LURAP1L: variants seen among roughly 807,000 people sequenced by gnomAD.
The protein encoded by LURAP1L is leucine rich adaptor protein 1 like, also known as leucine rich adaptor protein 1-like.
A neutral mutation model predicts 13.8 loss-of-function variants in LURAP1L; 12 were observed. The ratio of observed to expected loss-of-function variants is 0.87; its 90% confidence interval spans 0.56 to 1.41. LURAP1L has a LOEUF of 1.41. Among genes scored for constraint, LURAP1L ranks in the 40% most tolerant of loss-of-function variants. The pLI is 0.00. For missense variants in LURAP1L, 375 were observed against 292.9 expected (o/e 1.28, Z -2.04); for synonymous variants, 139 against 119.2 (o/e 1.17, Z -1.08).
At chr9:12,820,906 C>A (rs1819869819) in intron 1 of LURAP1L, among the ~76,000 whole-genome samples, 1 of 152,094 alleles carries the variant, frequency 6.6e-6, no homozygotes, top group Non-Finnish European at 1.5e-5. Flanking sequence ...GAATGCTGAA[C>A]TTTTATGATG....
At chr9:12,801,879 A>G (rs6474731) in intron 1 of LURAP1L, among the ~76,000 whole-genome samples, 4,523 of 152,302 alleles carry the variant, frequency 0.03, 88 homozygotes, top group African/African-American at 0.062. Flanking sequence ...TGGGTCATAT[A>G]TTTGAAAAGC....
chr9:12,788,199 A>AGAAAGAAAGAAAGAAAG, intron 1 of LURAP1L, among the ~76,000 whole-genome samples: 1 of 106,602 alleles, frequency 9.4e-6, no homozygotes, highest in East Asian at 3.5e-4. Flanking sequence ...AAGAAAAGAA[A>AGAAAGAAAGAAAGAAAG]AGAAAAGAAA....
chr9:12,812,199 G>A (rs1420347802), intron 1 of LURAP1L, among the ~76,000 whole-genome samples: 1 of 152,186 alleles, frequency 6.6e-6, no homozygotes, highest in Non-Finnish European at 1.5e-5. Context: ...TACCAGGATA[G>A]GGAACTACGT....
intron 1 of LURAP1L, among the ~76,000 whole-genome samples, chr9:12,809,082 T>A (rs888542040): frequency 1.3e-5 from 2 of 152,068 alleles, no homozygotes; most frequent in African/African-American, 4.8e-5. Context: ...CCACATTCTT[T>A]TAAACAACCA....
intron 1 of LURAP1L, among the ~76,000 whole-genome samples, chr9:12,815,585 G>C (rs1038603909): frequency 4.6e-5 from 7 of 152,014 alleles, no homozygotes; most frequent in South Asian, 2.1e-4. Flanking sequence ...AGGATGGTTG[G>C]GATTTACATC....
rs985438140 is a variant in LURAP1L at position 12,822,600 on chromosome 9, G to A, written c.*840G>A. On this transcript the variant is annotated 3_prime_UTR_variant, in exon 2 of 2. Coordinates refer to ENST00000319264, the MANE Select transcript of LURAP1L (RefSeq NM_203403.2). Reference sequence around the variant, plus strand: ...ATAAATACTTAGATGCATACAAGCCGATGGATAGAAAGACAGATAAATATC... The same window carrying A: ...ATAAATACTTAGATGCATACAAGCCAATGGATAGAAAGACAGATAAATATC... Among the ~76,000 whole-genome samples the A allele has an allele frequency of 7.9e-5, 12 of 152,230 alleles. No homozygotes were observed. The highest frequency in any genetic ancestry group is 3.4e-3 in the Middle Eastern group (1 of 294).
chr9:12,811,444 T>A (rs142245256), intron 1 of LURAP1L, among the ~76,000 whole-genome samples: 438 of 152,294 alleles, frequency 2.9e-3, no homozygotes, highest in African/African-American at 9.8e-3. Context: ...TCCTTCAGGG[T>A]AAGAAATCAA....
chr9:12,807,771 CTCTTT>C (rs1043566478), intron 1 of LURAP1L, among the ~76,000 whole-genome samples: 14 of 115,156 alleles, frequency 1.2e-4, no homozygotes, highest in Admixed American at 8.2e-4. Context: ...TTTTCTTTCT[CTCTTT>C]TCTTTGCTTT....
At chr9:12,790,103 A>T (rs1408922975) in intron 1 of LURAP1L, among the ~76,000 whole-genome samples, 1 of 152,192 alleles carries the variant, frequency 6.6e-6, no homozygotes, top group East Asian at 1.9e-4. Context: ...CAGTTAAGTC[A>T]TGTTATTTTA....
At chr9:12,794,806 G>T (rs924948927) in intron 1 of LURAP1L, among the ~76,000 whole-genome samples, 1 of 151,668 alleles carries the variant, frequency 6.6e-6, no homozygotes, top group Non-Finnish European at 1.5e-5. Context: ...AAGTGTTTGT[G>T]TGAGAGGCAT....
At chr9:12,819,065 C>T (rs1371617629) in intron 1 of LURAP1L, among the ~76,000 whole-genome samples, 1 of 152,134 alleles carries the variant, frequency 6.6e-6, no homozygotes, top group African/African-American at 2.4e-5. Flanking sequence ...TAAAGACTGT[C>T]AGAAACCTCC....
chr9:12,810,378 T>C (rs1392875805), intron 1 of LURAP1L, among the ~76,000 whole-genome samples: 2 of 152,214 alleles, frequency 1.3e-5, no homozygotes, highest in Non-Finnish European at 2.9e-5. Context: ...TCTGTATCCA[T>C]GTGTCTGTCT....
chr9:12,788,889 C>CTA (rs1399681050), intron 1 of LURAP1L, among the ~76,000 whole-genome samples: 14 of 148,878 alleles, frequency 9.4e-5, no homozygotes, highest in African/African-American at 1.2e-4. Context: ...AAGCGAGACC[C>CTA]TATATCTATA....
chr9:12,780,602 T>A (rs900800979), intron 1 of LURAP1L, among the ~76,000 whole-genome samples: 6 of 152,120 alleles, frequency 3.9e-5, no homozygotes, highest in Admixed American at 6.6e-5. Flanking sequence ...ATCTGCTTGA[T>A]CCAAAGTAAT....
intron 1 of LURAP1L, among the ~76,000 whole-genome samples, chr9:12,783,379 T>C (rs1043911116): frequency 1.1e-4 from 16 of 152,292 alleles, no homozygotes; most frequent in African/African-American, 3.8e-4. Flanking sequence ...GGTAGATTCT[T>C]TCTATACCCA....
intron 1 of LURAP1L, among the ~76,000 whole-genome samples, chr9:12,784,076 G>A (rs1216108087): frequency 1.3e-5 from 2 of 151,944 alleles, no homozygotes; most frequent in Non-Finnish European, 2.9e-5. Context: ...TTTTCATTAT[G>A]GATAGGATTC....
chr9:12,790,899 C>T (rs892104917), intron 1 of LURAP1L: 2 of 152,056 alleles, frequency 1.3e-5, no homozygotes, highest in African/African-American at 2.4e-5. Context: ...TTGTATATTA[C>T]ACATATTGAC....
At chr9:12,804,475 T>C (rs1819629036) in intron 1 of LURAP1L, among the ~76,000 whole-genome samples, 1 of 151,736 alleles carries the variant, frequency 6.6e-6, no homozygotes, top group Non-Finnish European at 1.5e-5. Context: ...TCCCAGTAGG[T>C]GGGATTACAG....
chr9:12,790,422 T>C (rs984322894), intron 1 of LURAP1L, among the ~76,000 whole-genome samples: 1 of 152,158 alleles, frequency 6.6e-6, no homozygotes, highest in Admixed American at 6.6e-5. Context: ...GTGTTTGGAC[T>C]ACACTAGCAA....
Sources: allele counts gnomAD v4.1 joint callset (sites outside exome capture counted in the v4.1 genomes callset), GRCh38; gene constraint gnomAD v4.1.1; transcripts MANE v1.5; gene names NCBI Gene and HGNC (gene_info 2026-07-23, HGNC 2026-07-21).